The following FRMD5 variants were observed in gnomAD, a reference collection of about 807,000 sequenced individuals.
The protein encoded by FRMD5 is FERM domain-containing protein 5.
In FRMD5, 20 loss-of-function variants were observed where a neutral mutation model predicts 69.0. The observed-to-expected ratio is 0.29, with a 90% confidence interval of 0.20 to 0.42. The LOEUF is 0.42. Among genes scored for constraint, FRMD5 ranks in the 10% least tolerant of loss-of-function variants. FRMD5 has a pLI of 1.00. For missense variants in FRMD5, 595 were observed against 708.6 expected, an observed-to-expected ratio of 0.84 and a Z score of 1.82; for synonymous variants, 271 against 260.1, an observed-to-expected ratio of 1.04 and a Z score of -0.40.
At chr15:43,889,179 G>A (rs2088737701) in intron 8 of FRMD5, among the ~76,000 whole-genome samples, 1 of 152,192 alleles carries the variant, frequency 6.6e-6, no homozygotes, top group Non-Finnish European at 1.5e-5. Context: ...AGTATCTGGG[G>A]TCATTTCAGG....
At chr15:43,962,267 A>G (rs2090215051) in intron 1 of FRMD5, among the ~76,000 whole-genome samples, 2 of 152,214 alleles carry the variant, frequency 1.3e-5, no homozygotes, top group African/African-American at 4.8e-5. Flanking sequence ...AATAACAGAC[A>G]AACAGAGAGC....
At chr15:43,912,984 G>C (rs2089316888) in intron 4 of FRMD5, among the ~76,000 whole-genome samples, 1 of 149,390 alleles carries the variant, frequency 6.7e-6, no homozygotes, top group South Asian at 2.1e-4. Context: ...AGTGCGCCAA[G>C]ATCGTGCCAC....
chr15:43,921,740 G>A (rs1361033557), intron 2 of FRMD5, among the ~76,000 whole-genome samples: 1 of 152,176 alleles, frequency 6.6e-6, no homozygotes, highest in African/African-American at 2.4e-5. Context: ...GGCCAATGTG[G>A]CACAATCTTC....
Position 43,871,825 on chromosome 15 carries a change from G to C in FRMD5, c.*2060C>G, listed in dbSNP as rs2088167681. 6.6e-6 allele frequency: 1 copy of C among 152,174 alleles called. No homozygotes were observed. Among genetic ancestry groups the C allele is most frequent in the Non-Finnish European group, 1.5e-5 (1 of 68,032 alleles). The allele number at this position is 152,174 out of a possible 1,614,324, so 9.4% of individuals were successfully genotyped here. On this transcript the variant is annotated 3_prime_UTR_variant, in exon 14 of 14. Coordinates refer to ENST00000417257, the MANE Select transcript of FRMD5 (RefSeq NM_032892.5). ...TTTGGCATCAGACATCTCTTTGCTGGTTAGTTGTTCAAGCACCCTTTAAAC... is the reference window on the plus strand; with the variant it reads ...TTTGGCATCAGACATCTCTTTGCTGCTTAGTTGTTCAAGCACCCTTTAAAC...
chr15:44,169,182 G>A (rs180973600), intron 1 of FRMD5, among the ~76,000 whole-genome samples: 6 of 152,032 alleles, frequency 3.9e-5, no homozygotes, highest in South Asian at 2.1e-4. Context: ...TATTCCTGTC[G>A]CCTTTTCTTC....
chr15:43,912,144 G>A (rs2089299978), intron 4 of FRMD5, among the ~76,000 whole-genome samples: 1 of 152,064 alleles, frequency 6.6e-6, no homozygotes, highest in African/African-American at 2.4e-5. Flanking sequence ...AATTTAAGAA[G>A]CTGTCCTAAG....
rs368284767 is a variant in FRMD5 at position 44,104,904 on chromosome 15, CAT to C, written c.102+90047_102+90048del. Among the ~76,000 whole-genome samples the C allele has an allele frequency of 3.6e-3, 555 of 152,122 alleles. 1 individual carries two copies. The highest frequency in any genetic ancestry group is 0.024 in the Middle Eastern group (7 of 294). The stretch of plus-strand genomic sequence containing the variant: ...TTTCGAGGCTCATCCATGTAGAAAA[CAT>C]ATATTTCTTTTTATTGGCAATATTG... On this transcript the variant is annotated intron_variant, in intron 1 of 13. Transcript: ENST00000417257.
chr15:44,125,105 T>A (rs2077007840), intron 1 of FRMD5, among the ~76,000 whole-genome samples: 1 of 152,226 alleles, frequency 6.6e-6, no homozygotes, highest in Non-Finnish European at 1.5e-5. Flanking sequence ...TCAATAAGAA[T>A]GTTGTGCAAG....
chr15:44,027,651 G>C (rs28454902), intron 1 of FRMD5, among the ~76,000 whole-genome samples: 1 of 73,950 alleles, frequency 1.4e-5, no homozygotes, highest in East Asian at 4.2e-4. Context: ...TTTTTTTTTT[G>C]TTTTTTTTTT....
At chr15:43,915,661 T>C (rs1489938968) in intron 4 of FRMD5, among the ~76,000 whole-genome samples, 1 of 152,170 alleles carries the variant, frequency 6.6e-6, no homozygotes, top group Non-Finnish European at 1.5e-5. Flanking sequence ...GTTTATTACT[T>C]TAAAAATGAC....
intron 1 of FRMD5, among the ~76,000 whole-genome samples, chr15:44,001,731 C>G (rs1476797148): frequency 6.6e-6 from 1 of 151,960 alleles, no homozygotes; most frequent in African/African-American, 2.4e-5. Context: ...CGCAGCCCCC[C>G]AAGTAGCTGG....
At chr15:44,151,182 G>A (rs1299248840) in intron 1 of FRMD5, among the ~76,000 whole-genome samples, 2 of 151,930 alleles carry the variant, frequency 1.3e-5, no homozygotes, top group Non-Finnish European at 2.9e-5. Context: ...CGGATCACGA[G>A]ATCAGGAGAT....
In FRMD5 at chr15:43,874,295, C is replaced by A. The variant is rs772937981; in HGVS notation, c.1303G>T (p.Val435Leu). Residue 435 changes from valine (V) to leucine (L), a missense_variant, in exon 14 of 14, where the codon GTG (valine) becomes TTG (leucine). Coordinates refer to ENST00000417257, the MANE Select transcript of FRMD5 (RefSeq NM_032892.5). ...ATCAGCTCCAGGCTGTGCTCAGCCACAGGGGTGGGCAGCACGCTGTCTGCA... is the reference window on the plus strand; with the variant it reads ...ATCAGCTCCAGGCTGTGCTCAGCCAAAGGGGTGGGCAGCACGCTGTCTGCA... The part of the protein sequence containing the change: ...SPADSVLPTP[V>L]AEHSLELMLL... The A allele has an allele frequency of 6.2e-7, 1 of 1,614,238 alleles. No individual in the cohort carries two copies. Among genetic ancestry groups the A allele is most frequent in the Non-Finnish European group, 8.5e-7 (1 of 1,180,052 alleles).
Position 43,885,729 on chromosome 15 carries a change from G to A in FRMD5, c.911C>T (p.Thr304Ile). ...AAAGAATAAATTGCTGCTGGACACT[G>A]TGCGGACTTGGCTTGACTTCTCCAG... is the stretch of plus-strand genomic sequence containing the variant. ...YKLEKSSQVR[T>I]VSSSNLFFKG... Residue 304 changes from threonine to isoleucine, a missense_variant, in exon 11 of 14, where the codon ACA becomes ATA. Physicochemically the swap from Thr to Ile is moderately conservative, Grantham distance 89. Around this residue, in one of 5 missense-constraint regions of FRMD5, gnomAD observed 176 missense variants for 266.3 expected, o/e 0.66. Transcript: ENST00000417257. 6.2e-7 allele frequency: 1 copy of A among 1,614,188 alleles called. No homozygotes were observed. The highest frequency in any genetic ancestry group is 8.5e-7 in the Non-Finnish European group (1 of 1,180,002).
At chr15:44,040,091 C>G (rs1374623903) in intron 1 of FRMD5, among the ~76,000 whole-genome samples, 3 of 151,564 alleles carry the variant, frequency 2.0e-5, no homozygotes, top group Non-Finnish European at 4.4e-5. Flanking sequence ...TGAAGATGAA[C>G]TCAATGAAAT....
chr15:43,873,366 G>A lies in FRMD5; in HGVS notation c.*519C>T. On this transcript the variant is annotated 3_prime_UTR_variant, in exon 14 of 14. Transcript: ENST00000417257. ...AAAAAAACAAACAAAAAACTAAACA[G>A]TCCCCATTGTCCAGATCCCTGGCCT... 6.9e-7 allele frequency: 1 copy of A among 1,452,982 alleles called. No homozygotes were observed. The highest frequency in any genetic ancestry group is 2.5e-5 in the East Asian group (1 of 39,948). 90.0% of individuals were successfully genotyped at this position (1,452,982 alleles called of 1,614,324 possible).
At chr15:44,120,448 T>G (rs1169193166) in intron 1 of FRMD5, among the ~76,000 whole-genome samples, 1 of 151,996 alleles carries the variant, frequency 6.6e-6, no homozygotes, top group Non-Finnish European at 1.5e-5. Flanking sequence ...AGAAGAAGAA[T>G]TATAGAATAA....
chr15:43,946,352 T>C (rs1363365904), intron 1 of FRMD5, among the ~76,000 whole-genome samples: 1 of 152,238 alleles, frequency 6.6e-6, no homozygotes, highest in East Asian at 1.9e-4. Context: ...CTCCTGTTTA[T>C]ATACGCATGT....
chr15:44,126,012 CCA>C (rs2077020642), intron 1 of FRMD5, among the ~76,000 whole-genome samples: 2 of 152,130 alleles, frequency 1.3e-5, no homozygotes, highest in South Asian at 2.1e-4. Context: ...GAAGAAATTC[CCA>C]CAGAGTTATG....
Sources: gnomAD v4.1 joint callset for allele counts (sites outside exome capture counted in the v4.1 genomes callset) on GRCh38, gnomAD v4.1.1 for gene constraint, gnomAD v4.1.1 regional missense constraint, MANE v1.5 for transcripts, NCBI Gene and HGNC (gene_info 2026-07-23, HGNC 2026-07-21) for gene names.